TMEM117: variants seen among roughly 807,000 people sequenced by gnomAD.
TMEM117 encodes transmembrane protein 117.
Under a neutral mutation model 52.4 loss-of-function variants are expected in TMEM117, and 27 were observed. The ratio of observed to expected loss-of-function variants is 0.51; its 90% CI spans 0.38 to 0.71. The LOEUF is 0.71. TMEM117 is among the 30% of genes least tolerant of loss of function. TMEM117 has a pLI of 0.00. For missense variants in TMEM117, 556 were observed against 630.5 expected, an observed-to-expected ratio of 0.88 and a Z score of 1.26; for synonymous variants, 215 against 206.3, an observed-to-expected ratio of 1.04 and a Z score of -0.36.
At chr12:43,911,738 AT>A (rs1281118085) in intron 2 of TMEM117, among the ~76,000 whole-genome samples, 8 of 147,158 alleles carry the variant, frequency 5.4e-5, no homozygotes, top group Non-Finnish European at 1.1e-4. Flanking sequence ...CAAAAAACAC[AT>A]GAAAAAATGC....
At chr12:44,261,118 T>C (rs557725419) in intron 5 of TMEM117, among the ~76,000 whole-genome samples, 12 of 150,492 alleles carry the variant, frequency 8.0e-5, no homozygotes, top group African/African-American at 3.0e-4. Flanking sequence ...TCTTAAAACA[T>C]TTTTTTAAAA....
chr12:43,829,761 T>G, the TMEM117 span, among the ~76,000 whole-genome samples: 1 of 151,672 alleles, frequency 6.6e-6, no homozygotes, highest in Non-Finnish European at 1.5e-5. Context: ...TATGTGGGAG[T>G]GAGCATGGGG....
At chr12:43,887,870 T>C (rs182518986) in intron 2 of TMEM117, among the ~76,000 whole-genome samples, 394 of 152,316 alleles carry the variant, frequency 2.6e-3, no homozygotes, top group Middle Eastern at 6.8e-3. Context: ...GAGTAAATTA[T>C]GTGGCTGCAG....
At chr12:44,366,896 T>G (rs1373067477) in intron 6 of TMEM117, among the ~76,000 whole-genome samples, 3 of 152,098 alleles carry the variant, frequency 2.0e-5, no homozygotes. Flanking sequence ...CAAAGAGTGT[T>G]GGTCAGAATA....
At chr12:44,120,644 C>G (rs1948218670) in intron 3 of TMEM117, among the ~76,000 whole-genome samples, 1 of 152,190 alleles carries the variant, frequency 6.6e-6, no homozygotes, top group Non-Finnish European at 1.5e-5. Flanking sequence ...TAAATTTCCT[C>G]CCTAGATTTG....
intron 4 of TMEM117, among the ~76,000 whole-genome samples, chr12:44,171,848 G>A (rs1218186262): frequency 6.6e-6 from 1 of 152,116 alleles, no homozygotes; most frequent in Non-Finnish European, 1.5e-5. Flanking sequence ...TTGCTGAGAA[G>A]GAGAGAAGTA....
In TMEM117 at chr12:44,282,515, A is replaced by T. The variant is rs143991740; in HGVS notation, c.609-17065A>T. On this transcript the variant is annotated intron_variant, in intron 5 of 7. Coordinates refer to ENST00000266534, the MANE Select transcript of TMEM117 (RefSeq NM_032256.3). ...AAGGTGACTCTTGTTATGTTTTAGC[A>T]AAGAGACTAACGTCATTTTGCCCCT... Among the ~76,000 whole-genome samples the T allele has an allele frequency of 3.8e-3, 576 of 152,314 alleles. 2 individuals carry two copies. The highest frequency in any genetic ancestry group is 0.013 in the African/African-American group (538 of 41,578).
rs949728685 is a variant in TMEM117, at chr12:43,938,510, G to C, written c.278-5700G>C. 5.3e-5 allele frequency among the ~76,000 whole-genome samples: 8 copies of C among 152,022 alleles called. No homozygotes were observed. The East Asian group carries it at 9.7e-4, about 18-fold the overall frequency. ...ACAAAGGGTGTGTGCATGTGTCTTG[G>C]GGGAGAAAGTAGTGGGAGCCTGCTA... On this transcript the variant is annotated intron_variant, in intron 2 of 7. Coordinates refer to ENST00000266534, the MANE Select transcript of TMEM117 (RefSeq NM_032256.3).
intron 3 of TMEM117, among the ~76,000 whole-genome samples, chr12:44,130,589 G>C (rs560233008): frequency 1.4e-4 from 21 of 152,070 alleles, no homozygotes; most frequent in Admixed American, 1.3e-4. Flanking sequence ...ATTAGTACTA[G>C]TTTTCATTGT....
At chr12:43,806,509 C>T in the TMEM117 span, 1 of 580,310 alleles carries the variant, frequency 1.7e-6, no homozygotes, top group Non-Finnish European at 2.3e-6. Context: ...GCCGCCGCCT[C>T]TCCCGCTTCT....
intron 3 of TMEM117, among the ~76,000 whole-genome samples, chr12:44,025,371 A>T (rs939276263): frequency 1.3e-5 from 2 of 152,214 alleles, no homozygotes; most frequent in Non-Finnish European, 2.9e-5. Context: ...ATTAATAATT[A>T]TTCATAATAG....
chr12:44,260,741 A>G (rs1950311049), intron 5 of TMEM117, among the ~76,000 whole-genome samples: 1 of 152,170 alleles, frequency 6.6e-6, no homozygotes, highest in Admixed American at 6.5e-5. Flanking sequence ...TGTCTTGTTT[A>G]AAACCATCCT....
chr12:44,104,167 T>C (rs1181950088), intron 3 of TMEM117, among the ~76,000 whole-genome samples: 6 of 151,974 alleles, frequency 3.9e-5, no homozygotes, highest in Non-Finnish European at 8.8e-5. Context: ...GGAAAACTTA[T>C]TTGGAATTGA....
At chr12:44,268,722 T>C (rs910741981) in intron 5 of TMEM117, among the ~76,000 whole-genome samples, 4 of 152,094 alleles carry the variant, frequency 2.6e-5, no homozygotes, top group African/African-American at 9.7e-5. Flanking sequence ...ATCTTTGTGG[T>C]TTAAATTTTA....
Position 44,289,577 on chromosome 12 carries a change from G to T in TMEM117, c.609-10003G>T, listed in dbSNP as rs538238885. 9.8e-5 allele frequency among the ~76,000 whole-genome samples: 12 copies of T among 122,750 alleles called. No homozygotes were observed. In the East Asian group the frequency reaches 2.8e-3, roughly 29 times the overall value. 80.5% of individuals were successfully genotyped at this position (122,750 alleles called of 152,430 possible). A position where few individuals can be genotyped will look rare whatever the true frequency, so the allele number is the denominator to read the frequency against. On this transcript the variant is annotated intron_variant, in intron 5 of 7. Coordinates refer to ENST00000266534, the MANE Select transcript of TMEM117 (RefSeq NM_032256.3). Reference sequence around the variant, plus strand: ...TTTTTTTTTTTTTTTTTTTGAGACAGAGTCTCCCTCTGTTACCTAGGCTGG... The same window carrying T: ...TTTTTTTTTTTTTTTTTTTGAGACATAGTCTCCCTCTGTTACCTAGGCTGG...
chr12:44,398,679 C>T, the TMEM117 span, among the ~76,000 whole-genome samples: 1 of 152,192 alleles, frequency 6.6e-6, no homozygotes, highest in Admixed American at 6.5e-5. Context: ...TGGGACACCG[C>T]TGGATTTTGG....
chr12:44,227,226 G>T lies in TMEM117; in HGVS notation c.608+15839G>T, dbSNP rs149725111. On this transcript the variant is annotated intron_variant, in intron 5 of 7. Coordinates refer to ENST00000266534, the MANE Select transcript of TMEM117 (RefSeq NM_032256.3). ...AGTCATGAAAGAAAAGATTCACCCT[G>T]CTTTGGGAGTCCAAGGCAGGCAGAT... Among the ~76,000 whole-genome samples the T allele has an allele frequency of 1.4e-4, 21 of 152,252 alleles. 1 individual carries two copies. The highest frequency in any genetic ancestry group is 5.1e-4 in the African/African-American group (21 of 41,568).
the TMEM117 span, among the ~76,000 whole-genome samples, chr12:43,820,103 T>TTTTTTG: frequency 0.026 from 3,966 of 151,568 alleles, 157 homozygotes; most frequent in African/African-American, 0.082. Context: ...AGGTGTATTT[T>TTTTTTG]TTTTTGTTTT....
At chr12:44,055,272 T>C (rs1488865142) in intron 3 of TMEM117, among the ~76,000 whole-genome samples, 1 of 152,154 alleles carries the variant, frequency 6.6e-6, no homozygotes, top group East Asian at 1.9e-4. Flanking sequence ...CAAATAAAAA[T>C]TTTGTACATC....
Sources: gnomAD v4.1 joint callset for allele counts (sites outside exome capture counted in the v4.1 genomes callset) on GRCh38, gnomAD v4.1.1 for gene constraint, MANE v1.5 for transcripts, NCBI Gene and HGNC (gene_info 2026-07-23, HGNC 2026-07-21) for gene names.